The following EYS variants were observed in gnomAD, a reference collection of about 807,000 sequenced individuals.
The protein encoded by EYS is protein eyes shut homolog.
In EYS, 250 loss-of-function variants were observed where a neutral mutation model predicts 282.1. The ratio of observed to expected loss-of-function variants is 0.89; its 90% CI spans 0.80 to 0.98. The LOEUF is 0.98. EYS is among the 50% of genes least tolerant of loss of function. The pLI, the probability that EYS is intolerant of heterozygous loss-of-function variation, is 0.00. For missense variants in EYS, 4,016 were observed against 3,709.0 expected, an observed-to-expected ratio of 1.08 and a Z score of -2.15; for synonymous variants, 1,355 against 1,282.9, an observed-to-expected ratio of 1.06 and a Z score of -1.20.
chr6:64,818,585 C>T (rs1008395454), intron 21 of EYS, among the ~76,000 whole-genome samples: 9 of 151,974 alleles, frequency 5.9e-5, no homozygotes, highest in African/African-American at 1.4e-4. Context: ...GCTGAAGGCC[C>T]GAAAGCCCCT....
intron 33 of EYS, among the ~76,000 whole-genome samples, chr6:64,017,988 A>T (rs767923936): frequency 7.9e-5 from 12 of 152,222 alleles, no homozygotes; most frequent in Non-Finnish European, 1.3e-4. Context: ...TATGTTGGGA[A>T]ATCAGAGATC....
chr6:65,552,320 C>A (rs1282173602), intron 2 of EYS, among the ~76,000 whole-genome samples: 1 of 152,150 alleles, frequency 6.6e-6, no homozygotes, highest in African/African-American at 2.4e-5. Flanking sequence ...CAAAAGTGAT[C>A]CATCTTTATT....
chr6:63,863,388 C>T (rs79727923), intron 36 of EYS, among the ~76,000 whole-genome samples: 1,816 of 152,078 alleles, frequency 0.012, 30 homozygotes, highest in African/African-American at 0.042. Flanking sequence ...TAAAGAGAGA[C>T]GCATGTCTAT....
At chr6:64,005,500 C>T (rs371857229) in intron 33 of EYS, among the ~76,000 whole-genome samples, 4 of 152,088 alleles carry the variant, frequency 2.6e-5, no homozygotes, top group African/African-American at 7.2e-5. Context: ...AGTTTTGTTT[C>T]GGATGCTATT....
chr6:64,344,982 C>A (rs184926290), intron 29 of EYS, among the ~76,000 whole-genome samples: 42 of 152,078 alleles, frequency 2.8e-4, no homozygotes, highest in African/African-American at 9.9e-4. Flanking sequence ...CCTAGGAATC[C>A]AACTTACAAG....
chr6:65,438,144 A>G (rs958721583), intron 5 of EYS, among the ~76,000 whole-genome samples: 3 of 151,794 alleles, frequency 2.0e-5, no homozygotes, highest in African/African-American at 7.3e-5. Flanking sequence ...GCTGAGAATG[A>G]TGGTTTCCAG....
At chr6:65,037,280 A>G (rs1772798709) in intron 13 of EYS, among the ~76,000 whole-genome samples, 1 of 151,850 alleles carries the variant, frequency 6.6e-6, no homozygotes, top group Non-Finnish European at 1.5e-5. Context: ...AGATGCAAAT[A>G]AGAGAACATT....
intron 30 of EYS, among the ~76,000 whole-genome samples, chr6:64,239,789 TTGC>T (rs1485978720): frequency 6.6e-6 from 1 of 152,208 alleles, no homozygotes; most frequent in Admixed American, 6.5e-5. Flanking sequence ...TTAGCTTTTG[TTGC>T]TGTTGCTTTT....
intron 22 of EYS, among the ~76,000 whole-genome samples, chr6:64,706,410 T>C (rs1482821232): frequency 6.6e-6 from 1 of 151,816 alleles, no homozygotes; most frequent in Non-Finnish European, 1.5e-5. Flanking sequence ...AGTCAAAGAC[T>C]TCATGACCAA....
At chr6:64,826,728 G>T (rs1765072117) in intron 19 of EYS, among the ~76,000 whole-genome samples, 1 of 148,720 alleles carries the variant, frequency 6.7e-6, no homozygotes, top group African/African-American at 2.5e-5. Flanking sequence ...TCTTTTTTCA[G>T]ACTGTGTTTT....
At chr6:65,478,182 G>A (rs1355930372) in intron 5 of EYS, among the ~76,000 whole-genome samples, 4 of 151,882 alleles carry the variant, frequency 2.6e-5, no homozygotes, top group African/African-American at 4.8e-5. Flanking sequence ...TCATTCTAGA[G>A]AAGATATAAT....
intron 31 of EYS, among the ~76,000 whole-genome samples, chr6:64,142,737 G>A (rs1026753622): frequency 6.6e-6 from 1 of 152,104 alleles, no homozygotes; most frequent in Non-Finnish European, 1.5e-5. Context: ...CTGTTATGTT[G>A]CTTCACTTCA....
At chr6:64,702,603 T>C (rs1770830615) in intron 22 of EYS, among the ~76,000 whole-genome samples, 1 of 152,162 alleles carries the variant, frequency 6.6e-6, no homozygotes, top group South Asian at 2.1e-4. Context: ...TAAGTTCTCC[T>C]GTGTAATAAC....
chr6:64,864,942 G>A (rs9342440), intron 19 of EYS, among the ~76,000 whole-genome samples: 9,555 of 151,702 alleles, frequency 0.063, 399 homozygotes, highest in African/African-American at 0.11. Context: ...AGGCTGAGGC[G>A]AATTGCTTGC....
At chr6:65,372,824 G>A (rs758033945) in intron 8 of EYS, among the ~76,000 whole-genome samples, 1 of 151,938 alleles carries the variant, frequency 6.6e-6, no homozygotes, top group African/African-American at 2.4e-5. Flanking sequence ...TGAAGAGCAT[G>A]ACTTAGAATT....
At chr6:63,909,315 T>A (rs1237934452) in intron 35 of EYS, among the ~76,000 whole-genome samples, 1 of 152,212 alleles carries the variant, frequency 6.6e-6, no homozygotes, top group Non-Finnish European at 1.5e-5. Flanking sequence ...GATCAATCTA[T>A]CATTTATCTA....
chr6:64,310,682 C>T (rs961513031), intron 29 of EYS, among the ~76,000 whole-genome samples: 1 of 151,938 alleles, frequency 6.6e-6, no homozygotes, highest in Non-Finnish European at 1.5e-5. Context: ...CAACAAACCC[C>T]CAGGACAACA....
At chr6:63,866,125 C>T (rs897184517) in intron 35 of EYS, among the ~76,000 whole-genome samples, 4 of 152,198 alleles carry the variant, frequency 2.6e-5, no homozygotes, top group South Asian at 2.1e-4. Context: ...TTTCTGTTTC[C>T]GAGAAATAAA....
At chr6:64,670,402 A>G (rs917798489) in intron 22 of EYS, among the ~76,000 whole-genome samples, 1 of 145,428 alleles carries the variant, frequency 6.9e-6, no homozygotes, top group Admixed American at 6.9e-5. Flanking sequence ...GAAGTGGCCC[A>G]AAATAAATAA....
Sources: gnomAD v4.1 joint callset for allele counts (sites outside exome capture counted in the v4.1 genomes callset) on GRCh38, gnomAD v4.1.1 for gene constraint, MANE v1.5 for transcripts, NCBI Gene and HGNC (gene_info 2026-07-23, HGNC 2026-07-21) for gene names.